The following CD99L2 variants were observed in gnomAD, a reference collection of about 807,000 sequenced individuals.
The protein encoded by CD99L2 is CD99 molecule like 2, also known as CD99 antigen-like protein 2.
A neutral mutation model predicts 27.3 loss-of-function variants in CD99L2; 24 were observed. The ratio of observed to expected loss-of-function variants is 0.88; its 90% CI spans 0.64 to 1.24. The LOEUF (loss-of-function observed/expected upper bound fraction) is 1.24. Ranked by LOEUF, CD99L2 falls within the 50% of genes most tolerant of loss-of-function variation. The pLI is 0.00. For synonymous variants in CD99L2, 97 were observed against 87.9 expected (o/e 1.10, Z -0.58); for missense variants, 255 against 221.6 (o/e 1.15, Z -0.96).
intron 1 of CD99L2, among the ~76,000 whole-genome samples, chrX:150,857,726 C>T (rs1557421799): frequency 8.9e-6 from 1 of 111,787 alleles, no homozygotes; most frequent in African/African-American, 3.3e-5. Flanking sequence ...CAAATGGTAC[C>T]ACTACAGATA....
At chrX:150,853,124 T>C (rs1235376624) in intron 1 of CD99L2, among the ~76,000 whole-genome samples, 1 of 111,653 alleles carries the variant, frequency 9.0e-6, no homozygotes, top group Non-Finnish European at 1.9e-5. Flanking sequence ...TCACAGCCAC[T>C]TTAGGCCGTG....
At chrX:150,815,906 A>G (rs1265608592) in intron 3 of CD99L2, 101 bp downstream of exon 3, 1 of 820,922 alleles carries the variant, frequency 1.2e-6, no homozygotes, top group Non-Finnish European at 1.8e-6. Context: ...TTGTTTCTGC[A>G]CACATGGGGC....
intron 10 of CD99L2, 129 bp from the exon 11 acceptor site, chrX:150,769,230 ACCTTC>A (rs1428941712): frequency 2.6e-6 from 2 of 759,486 alleles, no homozygotes; most frequent in Middle Eastern, 4.2e-4. Flanking sequence ...CCGCTTAGCA[ACCTTC>A]CCTCCTGAGC....
intron 4 of CD99L2, among the ~76,000 whole-genome samples, chrX:150,795,714 T>C (rs1302083193): frequency 8.9e-6 from 1 of 111,747 alleles, no homozygotes; most frequent in East Asian, 2.8e-4. Context: ...GAGGCAGACA[T>C]AGTCCCACAT....
Position 150,895,260 on chromosome X carries a change from C to G in CD99L2, c.67+3262G>C, listed in dbSNP as rs782472095. 2.4e-4 allele frequency among the ~76,000 whole-genome samples: 27 copies of G among 111,600 alleles called. 1 individual carries two copies. The East Asian group carries it at 7.0e-3, about 29-fold the overall frequency. ...ATCACTGACAGTCTTCTCCTTGCTG[C>G]TCAAAAGAACAGCTTCCCATTTCTG... On this transcript the variant is annotated intron_variant, in intron 1 of 10. Coordinates refer to ENST00000370377, the MANE Select transcript of CD99L2 (RefSeq NM_031462.4).
At chrX:150,773,486 C>T (rs1440391710) in intron 9 of CD99L2, among the ~76,000 whole-genome samples, 2 of 112,787 alleles carry the variant, frequency 1.8e-5, no homozygotes, top group Non-Finnish European at 3.7e-5. Context: ...GGCCATCTCA[C>T]CCAGTTTTGT....
rs186265202 is a variant in CD99L2, at chrX:150,865,718, T to A, written c.67+32804A>T. ...GCAACAACACACTTTTCCATGGACC[T>A]ACTTGGAAATGGAATCATTGAGTCA... On this transcript the variant is annotated intron_variant, in intron 1 of 10. Transcript: ENST00000370377. 2.9e-4 allele frequency among the ~76,000 whole-genome samples: 33 copies of A among 111,886 alleles called. No homozygotes were observed. In the Middle Eastern group the frequency reaches 0.018, roughly 62 times the overall value.
chrX:150,817,598 T>C (rs1427974719), intron 2 of CD99L2, among the ~76,000 whole-genome samples: 1 of 112,238 alleles, frequency 8.9e-6, no homozygotes, highest in Non-Finnish European at 1.9e-5. Flanking sequence ...GAAAAAGATT[T>C]AAGGAATGGG....
At chrX:150,883,297 C>T (rs1337175909) in intron 1 of CD99L2, among the ~76,000 whole-genome samples, 1 of 112,209 alleles carries the variant, frequency 8.9e-6, no homozygotes. Context: ...CAGCCACAGG[C>T]TCTGAGGACA....
chrX:150,898,598 C>G lies in CD99L2; in HGVS notation c.-10G>C. On this transcript the variant is annotated 5_prime_UTR_variant, in exon 1 of 11. Transcript: ENST00000370377. The stretch of plus-strand genomic sequence containing the variant: ...AGCGCCAGGCCACCATGGCTGGGAG[C>G]AGGCGGAGGGCCCCGGAGGAGCACA... The G allele has an allele frequency of 1.8e-6, 2 of 1,103,502 alleles. No individual in the cohort carries two copies. Among genetic ancestry groups the G allele is most frequent in the Non-Finnish European group, 2.4e-6 (2 of 845,359 alleles). 90.9% of individuals were successfully genotyped at this position (1,103,502 alleles called of 1,213,427 possible).
intron 1 of CD99L2, among the ~76,000 whole-genome samples, chrX:150,852,354 C>T (rs1880707378): frequency 9.1e-6 from 1 of 110,358 alleles, no homozygotes; most frequent in Non-Finnish European, 1.9e-5. Flanking sequence ...CTCTGGACTT[C>T]ACTTGGTTGC....
chrX:150,821,205 G>C (rs2046238178), intron 2 of CD99L2, among the ~76,000 whole-genome samples: 1 of 111,587 alleles, frequency 9.0e-6, no homozygotes, highest in Non-Finnish European at 1.9e-5. Flanking sequence ...ACCCTAAATA[G>C]CCAAATCGAT....
chrX:150,802,880 CTTTTTTTTTTTTTTTTTTT>C (rs34693200), intron 4 of CD99L2, among the ~76,000 whole-genome samples: 2 of 20,819 alleles, frequency 9.6e-5, no homozygotes, highest in African/African-American at 3.0e-4. Context: ...CGTGCCCAGC[CTTTTTTTTTTTTTTTTTTT>C]TTTTTTTTTT....
chrX:150,778,876 T>C (rs1350307517), intron 7 of CD99L2, among the ~76,000 whole-genome samples: 1 of 108,788 alleles, frequency 9.2e-6, no homozygotes. Flanking sequence ...AATACACACA[T>C]ACAATCATTG....
intron 9 of CD99L2, among the ~76,000 whole-genome samples, chrX:150,771,328 G>A (rs2043450499): frequency 1.8e-5 from 2 of 112,912 alleles, no homozygotes; most frequent in African/African-American, 6.4e-5. Context: ...TGGCAAATGC[G>A]GGCGTTGCTC....
intron 2 of CD99L2, among the ~76,000 whole-genome samples, chrX:150,820,264 GA>G (rs200178216): frequency 0.21 from 17,715 of 85,057 alleles, 1,306 homozygotes; most frequent in Middle Eastern, 0.28. Flanking sequence ...AATGGAAGGA[GA>G]AAAAAAAAAA....
At chrX:150,869,266 G>A (rs2047118114) in intron 1 of CD99L2, among the ~76,000 whole-genome samples, 1 of 111,161 alleles carries the variant, frequency 9.0e-6, no homozygotes, top group Admixed American at 9.6e-5. Flanking sequence ...GCCATCTGAG[G>A]AAATGGCACC....
chrX:150,777,523 A>AGCTCAG, intron 7 of CD99L2, 41 bp from the exon 8 acceptor site: 1 of 1,196,128 alleles, frequency 8.4e-7, no homozygotes, highest in Non-Finnish European at 1.1e-6. Flanking sequence ...GCGACCAGCC[A>AGCTCAG]GCTCAGGCTC....
Position 150,784,051 on chromosome X carries a change from A to G in CD99L2, c.497-6569T>C, listed in dbSNP as rs1052612189. Among the ~76,000 whole-genome samples, 3 of 111,595 alleles carry G rather than the reference A, an allele frequency of 2.7e-5. No individual in the cohort carries two copies. The Admixed American group carries it at 2.8e-4, about 11-fold the overall frequency. On this transcript the variant is annotated intron_variant, in intron 7 of 10. Coordinates refer to ENST00000370377, the MANE Select transcript of CD99L2 (RefSeq NM_031462.4). ...AGGAGAGGGTAAAACACCTAGCCCG[A>G]GCAACGGAGTAGACACTGCTTAGGG...
Sources: gnomAD v4.1 joint callset for allele counts (sites outside exome capture counted in the v4.1 genomes callset) on GRCh38, gnomAD v4.1.1 for gene constraint, MANE v1.5 for transcripts, NCBI Gene and HGNC (gene_info 2026-07-23, HGNC 2026-07-21) for gene names.